The following ADGRL3 variants were observed in gnomAD, a reference collection of about 807,000 sequenced individuals.
ADGRL3 encodes adhesion G protein-coupled receptor L3.
ADGRL3 carries 62 observed loss-of-function variants against 153.5 expected under a neutral mutation model. The ratio of observed to expected loss-of-function variants is 0.40; its 90% CI spans 0.33 to 0.50. The LOEUF (loss-of-function observed/expected upper bound fraction) is 0.50, where lower values mean the gene tolerates loss of function less well. Among genes scored for constraint, ADGRL3 ranks in the 20% least tolerant of loss-of-function variants. The pLI is 0.47. For synonymous variants in ADGRL3, 710 were observed against 672.5 expected, an observed-to-expected ratio of 1.06 and a Z score of -0.86; for missense variants, 1,641 against 1,859.4, an observed-to-expected ratio of 0.88 and a Z score of 2.16.
intron 2 of ADGRL3, among the ~76,000 whole-genome samples, chr4:61,403,006 G>A (rs1341050464): frequency 6.6e-6 from 1 of 151,116 alleles, no homozygotes; most frequent in Non-Finnish European, 1.5e-5. Flanking sequence ...CCCTCATCCT[G>A]GCTTGTACAT....
At chr4:61,693,121 T>C (rs976960224) in intron 6 of ADGRL3, among the ~76,000 whole-genome samples, 2 of 152,072 alleles carry the variant, frequency 1.3e-5, no homozygotes, top group African/African-American at 4.8e-5. Flanking sequence ...ATTATTATTA[T>C]TGGCTTTGTA....
At chr4:61,742,837 T>C (rs1015025560) in intron 8 of ADGRL3, among the ~76,000 whole-genome samples, 3 of 152,186 alleles carry the variant, frequency 2.0e-5, no homozygotes, top group African/African-American at 7.2e-5. Context: ...ACACTTCATC[T>C]TATTTACTTA....
rs1734347011 is a variant in ADGRL3, at chr4:61,200,582, G to A, written c.-1423G>A. Among the ~76,000 whole-genome samples the A allele has an allele frequency of 6.6e-6, 1 of 151,452 alleles. No individual in the cohort carries two copies. Among genetic ancestry groups the A allele is most frequent in the East Asian group, 2.0e-4 (1 of 5,072 alleles). ...CTCCGCTCCGGCAGCTGCTGCCGCC[G>A]CCACCGCCGCCTGTGACTCGCCCCC... On this transcript the variant is annotated 5_prime_UTR_variant, in exon 1 of 27. Transcript: ENST00000683033.
intron 18 of ADGRL3, among the ~76,000 whole-genome samples, chr4:61,983,015 G>GACTCTAACTCTA (rs1184091570): frequency 2.6e-5 from 4 of 151,802 alleles, no homozygotes; most frequent in Non-Finnish European, 4.4e-5. Context: ...CTCTAACTCT[G>GACTCTAACTCTA]ACTCTAACTC....
intron 8 of ADGRL3, among the ~76,000 whole-genome samples, chr4:61,766,988 A>G (rs1309033720): frequency 6.6e-6 from 1 of 152,094 alleles, no homozygotes; most frequent in Non-Finnish European, 1.5e-5. Flanking sequence ...GCCATGCTGT[A>G]GCAGGCGAGT....
chr4:61,274,322 G>C (rs1024914405), intron 1 of ADGRL3, among the ~76,000 whole-genome samples: 1 of 152,160 alleles, frequency 6.6e-6, no homozygotes, highest in African/African-American at 2.4e-5. Context: ...GCCATCTCCA[G>C]TATGAAATTA....
intron 9 of ADGRL3, among the ~76,000 whole-genome samples, chr4:61,815,272 C>T (rs1023263849): frequency 2.0e-5 from 3 of 152,148 alleles, no homozygotes; most frequent in Non-Finnish European, 4.4e-5. Flanking sequence ...TTCTGTATCC[C>T]ATACCAAGGA....
chr4:61,771,521 A>G (rs529135358), intron 8 of ADGRL3, among the ~76,000 whole-genome samples: 1 of 152,302 alleles, frequency 6.6e-6, no homozygotes, highest in Admixed American at 6.5e-5. Flanking sequence ...AATTTTCCTG[A>G]CACAATTGAA....
At chr4:62,018,593 AAGAG>A (rs893205658) in intron 21 of ADGRL3, among the ~76,000 whole-genome samples, 1 of 151,590 alleles carries the variant, frequency 6.6e-6, no homozygotes, top group African/African-American at 2.4e-5. Flanking sequence ...AGAAATGAGG[AAGAG>A]AGAGAGAGAG....
intron 13 of ADGRL3, among the ~76,000 whole-genome samples, chr4:61,933,268 T>C (rs2098825080): frequency 6.6e-6 from 1 of 152,046 alleles, no homozygotes; most frequent in Non-Finnish European, 1.5e-5. Flanking sequence ...ATATCTAAAG[T>C]TTTTTTATTT....
intron 9 of ADGRL3, among the ~76,000 whole-genome samples, chr4:61,817,810 A>T (rs2097704977): frequency 1.3e-5 from 2 of 152,322 alleles, no homozygotes; most frequent in South Asian, 4.1e-4. Context: ...GAAACTCCTT[A>T]TAAAATCATC....
chr4:62,043,371 C>T (rs1479277458), intron 24 of ADGRL3, among the ~76,000 whole-genome samples: 2 of 151,890 alleles, frequency 1.3e-5, no homozygotes, highest in Non-Finnish European at 2.9e-5. Context: ...GACTGGCTCC[C>T]AACATTGTCC....
At chr4:61,330,874 C>A (rs574234206) in intron 1 of ADGRL3, among the ~76,000 whole-genome samples, 1 of 152,260 alleles carries the variant, frequency 6.6e-6, no homozygotes, top group East Asian at 1.9e-4. Flanking sequence ...CATTTACAAT[C>A]CTTTAGCTAG....
intron 2 of ADGRL3, among the ~76,000 whole-genome samples, chr4:61,446,371 TA>T (rs2097582382): frequency 6.6e-6 from 1 of 152,234 alleles, no homozygotes; most frequent in Non-Finnish European, 1.5e-5. Context: ...TCAGGCAAGT[TA>T]ATCTGATGAA....
Position 61,418,412 on chromosome 4 carries a change from T to C in ADGRL3, c.-174+35223T>C, listed in dbSNP as rs1381883829. Among the ~76,000 whole-genome samples the C allele has an allele frequency of 1.4e-5, 2 of 143,022 alleles. 1 individual carries two copies. Among genetic ancestry groups the C allele is most frequent in the African/African-American group, 5.6e-5 (2 of 35,478 alleles). The allele number at this position is 143,022 out of a possible 152,430, so 93.8% of individuals were successfully genotyped here. ...TTGAGCATATTTCAGGCCGTGAACA[T>C]CGGACATGGTTTTGTCTTCACAATG... is the stretch of plus-strand genomic sequence containing the variant. On this transcript the variant is annotated intron_variant, in intron 2 of 26. Transcript: ENST00000683033.
chr4:61,903,747 T>C (rs1009039005), intron 11 of ADGRL3, among the ~76,000 whole-genome samples: 7 of 151,770 alleles, frequency 4.6e-5, no homozygotes, highest in African/African-American at 1.7e-4. Flanking sequence ...AGATACTTTT[T>C]ATATTTTTAC....
chr4:61,477,660 C>T (rs1025236745), intron 2 of ADGRL3, among the ~76,000 whole-genome samples: 1 of 152,082 alleles, frequency 6.6e-6, no homozygotes, highest in African/African-American at 2.4e-5. Context: ...ATATTATCTC[C>T]TCTTCACTTG....
At chr4:61,696,657 CTTTTTTT>C (rs1004870625) in intron 6 of ADGRL3, among the ~76,000 whole-genome samples, 3 of 134,670 alleles carry the variant, frequency 2.2e-5, no homozygotes, top group African/African-American at 8.3e-5. Flanking sequence ...CCCTAAGTTC[CTTTTTTT>C]TTAACCTTTT....
chr4:61,743,015 A>G (rs1338674091), intron 8 of ADGRL3, among the ~76,000 whole-genome samples: 1 of 151,064 alleles, frequency 6.6e-6, no homozygotes, highest in African/African-American at 2.4e-5. Flanking sequence ...TTTTTTTTTC[A>G]ATAATGTTAG....
Sources: gnomAD v4.1 joint callset for allele counts (sites outside exome capture counted in the v4.1 genomes callset) on GRCh38, gnomAD v4.1.1 for gene constraint, MANE v1.5 for transcripts, NCBI Gene and HGNC (gene_info 2026-07-23, HGNC 2026-07-21) for gene names.